Variants in NETO2 observed in about 807,000 individuals in gnomAD.
The protein encoded by NETO2 is neuropilin and tolloid like 2.
In NETO2, 28 loss-of-function variants were observed where a neutral mutation model predicts 62.5. The ratio of observed to expected loss-of-function variants is 0.45; its 90% CI spans 0.33 to 0.61. NETO2 has a LOEUF of 0.61. Ranked by LOEUF, NETO2 falls within the 20% of genes least tolerant of loss-of-function variation. The pLI is 0.02. For missense variants in NETO2, 548 were observed against 643.2 expected (o/e 0.85, Z 1.60); for synonymous variants, 214 against 219.1 (o/e 0.98, Z 0.21).
At chr16:47,112,885 T>G (rs1286152718) in intron 6 of NETO2, among the ~76,000 whole-genome samples, 1 of 152,240 alleles carries the variant, frequency 6.6e-6, no homozygotes, top group Non-Finnish European at 1.5e-5. Flanking sequence ...TAATTTCACT[T>G]AAAGCACACT....
intron 1 of NETO2, 107 bp from the exon 2 acceptor site, chr16:47,132,132 T>C (rs1964279089): frequency 1.2e-6 from 1 of 842,266 alleles, no homozygotes; most frequent in Admixed American, 2.1e-5. Flanking sequence ...AAAATCACTA[T>C]TTATTACTCA....
At chr16:47,127,510 T>C (rs1388568346) in intron 4 of NETO2, among the ~76,000 whole-genome samples, 2 of 152,178 alleles carry the variant, frequency 1.3e-5, no homozygotes, top group African/African-American at 4.8e-5. Flanking sequence ...GTTAAGGATC[T>C]TGAAAAGAGT....
In NETO2 at chr16:47,143,769, C is replaced by T; in HGVS notation, c.-157G>A. The T allele has an allele frequency of 9.8e-7, 1 of 1,022,066 alleles. No individual in the cohort carries two copies. Among genetic ancestry groups the T allele is most frequent in the East Asian group, 3.6e-5 (1 of 27,600 alleles). The allele number at this position is 1,022,066 out of a possible 1,614,324, so 63.3% of individuals were successfully genotyped here. A position where few individuals can be genotyped will look rare whatever the true frequency, so the allele number is the denominator to read the frequency against. On this transcript the variant is annotated 5_prime_UTR_variant, in exon 1 of 9. Coordinates refer to ENST00000562435, the MANE Select transcript of NETO2 (RefSeq NM_018092.5). ...CTGAGGAGAGCTCAGGTCCTGCGGC[C>T]CGCCATGCCCGAGCCCCACAGTGGG...
At position 47,083,234 on chromosome 16, in the gene NETO2, G is replaced by T. The variant is rs767988599; in HGVS notation, c.1565C>A (p.Ser522Tyr). ...ATTAGCAGAAGATTAGAAGTCAATG[G>T]ATATGGATGCTTGTGCAGAATCTTC... Reference protein sequence around the residue: ...GREDSAQASISIDF With the variant: ...GREDSAQASIYIDF The change falls in exon 9 of 9, where the codon TCC becomes TAC. Residue 522 changes from serine (S) to tyrosine (Y), a missense_variant. By Grantham distance (144) the Ser-to-Tyr change is moderately radical. Transcript: ENST00000562435. 6.2e-7 allele frequency: 1 copy of T among 1,610,704 alleles called. No individual in the cohort carries two copies.
chr16:47,125,990 TC>T (rs752848716), intron 4 of NETO2, among the ~76,000 whole-genome samples: 5 of 152,150 alleles, frequency 3.3e-5, no homozygotes, highest in Non-Finnish European at 7.3e-5. Context: ...TAACTCCCCT[TC>T]CCCCTTCCCC....
At chr16:47,092,393 T>C (rs1406034174) in intron 7 of NETO2, among the ~76,000 whole-genome samples, 1 of 152,164 alleles carries the variant, frequency 6.6e-6, no homozygotes, top group Admixed American at 6.5e-5. Flanking sequence ...TCCAAAACAT[T>C]CTCATTTTAA....
At position 47,123,877 on chromosome 16, in the gene NETO2, T is replaced by G. The variant is rs576420249; in HGVS notation, c.482-965A>C. On this transcript the variant is annotated intron_variant, in intron 4 of 8. Coordinates refer to ENST00000562435, the MANE Select transcript of NETO2 (RefSeq NM_018092.5). ...CACGCTCAGCTAATTTTTTATATTT[T>G]TAGTAGAGGCAGAATTTCACTATGT... Among the ~76,000 whole-genome samples, 4 of 152,262 alleles carry G rather than the reference T, an allele frequency of 2.6e-5. No individual in the cohort carries two copies. The East Asian group carries it at 7.7e-4, about 29-fold the overall frequency.
intron 6 of NETO2, among the ~76,000 whole-genome samples, chr16:47,112,649 T>A (rs1166846718): frequency 6.6e-6 from 1 of 152,214 alleles, no homozygotes; most frequent in East Asian, 1.9e-4. Context: ...CGTGAGCCAC[T>A]GCGCCTGGCC....
At chr16:47,125,007 AAAGT>A (rs148249325) in intron 4 of NETO2, among the ~76,000 whole-genome samples, 10,585 of 152,236 alleles carry the variant, frequency 0.07, 595 homozygotes, top group African/African-American at 0.15. Context: ...ACTTGACTCC[AAAGT>A]AAGTATCTTT....
At position 47,143,741 on chromosome 16, in the gene NETO2, C is replaced by A. The variant is rs954089445; in HGVS notation, c.-129G>T. The stretch of plus-strand genomic sequence containing the variant: ...GCCGGCCAGCAGCTGCCTCCCCGCT[C>A]CCCTGAGGAGAGCTCAGGTCCTGCG... On this transcript the variant is annotated 5_prime_UTR_variant, in exon 1 of 9. Coordinates refer to ENST00000562435, the MANE Select transcript of NETO2 (RefSeq NM_018092.5). The A allele has an allele frequency of 1.0e-5, 12 of 1,153,194 alleles. No individual in the cohort carries two copies. The African/African-American group carries it at 1.1e-4, about 11-fold the overall frequency. 71.4% of individuals were successfully genotyped at this position (1,153,194 alleles called of 1,614,324 possible). A position where few individuals can be genotyped will look rare whatever the true frequency, so the allele number is the denominator to read the frequency against.
chr16:47,112,639 C>A lies in NETO2; in HGVS notation c.655-2928G>T, dbSNP rs533832379. Among the ~76,000 whole-genome samples, 89 of 152,310 alleles carry A rather than the reference C, an allele frequency of 5.8e-4. 1 individual carries two copies. The highest frequency in any genetic ancestry group is 1.4e-3 in the Admixed American group (22 of 15,296). ...ACTCCCAAAGTGCTGGGTTTACAAGCGTGAGCCACTGCGCCTGGCCTATTT... is the reference window on the plus strand; with the variant it reads ...ACTCCCAAAGTGCTGGGTTTACAAGAGTGAGCCACTGCGCCTGGCCTATTT... On this transcript the variant is annotated intron_variant, in intron 6 of 8. Coordinates refer to ENST00000562435, the MANE Select transcript of NETO2 (RefSeq NM_018092.5).
Position 47,132,003 on chromosome 16 carries a change from T to A in NETO2, c.57A>T (p.Val19=), listed in dbSNP as rs1304985351. The change falls in exon 2 of 9, where the codon GTA becomes GTT. Residue 19 remains valine, a synonymous_variant. Coordinates refer to ENST00000562435, the MANE Select transcript of NETO2 (RefSeq NM_018092.5). The stretch of plus-strand genomic sequence containing the variant: ...TTTGGGCCACGGCAATCCCTTCCAC[T>A]ACCAGTACTGTTATTAACAACACTA... ...VLKVLLITVL[V]VEGIAVAQKT... The A allele has an allele frequency of 6.2e-7, 1 of 1,612,398 alleles. No individual in the cohort carries two copies. The highest frequency in any genetic ancestry group is 1.3e-5 in the African/African-American group (1 of 74,850).
intron 7 of NETO2, among the ~76,000 whole-genome samples, chr16:47,094,653 G>T (rs564731433): frequency 6.6e-6 from 1 of 152,004 alleles, no homozygotes; most frequent in East Asian, 1.9e-4. Context: ...TCTCAATCTT[G>T]TTGACCTCAT....
chr16:47,099,094 G>A (rs1456337491), intron 7 of NETO2, among the ~76,000 whole-genome samples: 2 of 152,052 alleles, frequency 1.3e-5, no homozygotes, highest in South Asian at 2.1e-4. Flanking sequence ...TCCTGACCTC[G>A]TGATCCACCT....
intron 7 of NETO2, among the ~76,000 whole-genome samples, chr16:47,097,136 C>G (rs1963443437): frequency 6.6e-6 from 1 of 152,154 alleles, no homozygotes; most frequent in Non-Finnish European, 1.5e-5. Flanking sequence ...AGTTTTTTTT[C>G]ATACCCTAGT....
At chr16:47,127,585 G>A (rs777008073) in intron 4 of NETO2, among the ~76,000 whole-genome samples, 12 of 152,210 alleles carry the variant, frequency 7.9e-5, no homozygotes, top group Non-Finnish European at 1.5e-4. Context: ...CAATGCTGGG[G>A]CATGCACTGG....
rs1567377375 is a variant in NETO2, at chr16:47,083,732, C to A, written c.1067G>T (p.Gly356Val). ...AATAATGAGAAGGACCAAGACAATC[C>A]CTGAAGTAATGCCAATAATTGTTCC... ...THGTIIGITS[G>V]IVLVLLIISI... The change falls in exon 9 of 9, where the codon GGG (glycine) becomes GTG (valine). Residue 356 changes from glycine (G) to valine (V), a missense_variant. Gly to Val is a moderately radical substitution (Grantham distance 109). Coordinates refer to ENST00000562435, the MANE Select transcript of NETO2 (RefSeq NM_018092.5). 5 of 1,613,592 alleles carry A rather than the reference C, an allele frequency of 3.1e-6. No individual in the cohort carries two copies. Among genetic ancestry groups the A allele is most frequent in the Non-Finnish European group, 4.2e-6 (5 of 1,179,640 alleles).
At chr16:47,132,197 A>C (rs896682568) in intron 1 of NETO2, among the ~76,000 whole-genome samples, 172 bp from the exon 2 acceptor site, 2 of 152,172 alleles carry the variant, frequency 1.3e-5, no homozygotes, top group Non-Finnish European at 2.9e-5. Context: ...TTTGCTACCT[A>C]ACCCTTAAGA....
intron 1 of NETO2, among the ~76,000 whole-genome samples, chr16:47,132,425 A>G (rs534500148): frequency 1.3e-5 from 2 of 152,288 alleles, no homozygotes; most frequent in East Asian, 3.9e-4. Context: ...TATGGCAGTG[A>G]AAGTTCAATT....
Sources: gnomAD v4.1 joint callset for allele counts (sites outside exome capture counted in the v4.1 genomes callset) on GRCh38, gnomAD v4.1.1 for gene constraint, MANE v1.5 for transcripts, NCBI Gene and HGNC (gene_info 2026-07-23, HGNC 2026-07-21) for gene names.